AEBP1: variants seen among roughly 807,000 people sequenced by gnomAD.
The protein encoded by AEBP1 is adipocyte enhancer-binding protein 1.
A neutral mutation model predicts 116.5 loss-of-function variants in AEBP1; 69 were observed. The ratio of observed to expected loss-of-function variants is 0.59; its 90% CI spans 0.49 to 0.72. AEBP1 has a LOEUF of 0.72. Among genes scored for constraint, AEBP1 ranks in the 30% least tolerant of loss-of-function variants. AEBP1 has a pLI of 0.00. For synonymous variants in AEBP1, 627 were observed against 627.3 expected (o/e 1.00, Z 0.01); for missense variants, 1,444 against 1,557.5 (o/e 0.93, Z 1.23).
chr7:44,110,787 A>G lies in AEBP1; in HGVS notation c.1463A>G (p.Tyr488Cys). 6.5e-7 allele frequency: 1 copy of G among 1,547,062 alleles called. No individual in the cohort carries two copies. The highest frequency in any genetic ancestry group is 8.7e-7 in the Non-Finnish European group (1 of 1,146,740). The change falls in exon 12 of 21, where the codon TAC becomes TGC. Residue 488 changes from tyrosine to cysteine, a missense_variant. By Grantham distance (194) the Tyr-to-Cys change is radical. Coordinates refer to ENST00000223357, the MANE Select transcript of AEBP1 (RefSeq NM_001129.5). ...AATGACAGCCAGACATGGGTGATGT[A>G]CACCAACGGCTATGAGGAAATGGTG... ...FSNDSQTWVM[Y>C]TNGYEEMTFH...
In AEBP1 at chr7:44,106,763, A is replaced by G; in HGVS notation, c.471A>G (p.Pro157=). The change falls in exon 2 of 21, where the codon CCA becomes CCG. Residue 157 remains proline, a synonymous_variant. Coordinates refer to ENST00000223357, the MANE Select transcript of AEBP1 (RefSeq NM_001129.5). The stretch of plus-strand genomic sequence containing the variant: ...CCACCAAGAAGCCCAAAGAGAAGCC[A>G]CCCAAGGCCACCAAGAAGCCCCCGT... ...PKATKKPKEK[P]PKATKKPPSG... is the part of the protein sequence containing the mutation. The G allele has an allele frequency of 6.2e-7, 1 of 1,612,058 alleles. No individual in the cohort carries two copies. Among genetic ancestry groups the G allele is most frequent in the South Asian group, 1.1e-5 (1 of 90,872 alleles).
chr7:44,113,485 T>TG lies in AEBP1; in HGVS notation c.2810-104dup. 1 of 1,243,980 alleles carries TG rather than the reference T, an allele frequency of 8.0e-7. No homozygotes were observed. The highest frequency in any genetic ancestry group is 1.0e-6 in the Non-Finnish European group (1 of 974,628). 77.1% of individuals were successfully genotyped at this position (1,243,980 alleles called of 1,614,324 possible). A position where few individuals can be genotyped will look rare whatever the true frequency, so the allele number is the denominator to read the frequency against. ...GAAATTCAGAGAGGGAGGGCGGTGCTGGGGGCGGGAACTCAGAGGGGGAGG... is the reference window on the plus strand; with the variant it reads ...GAAATTCAGAGAGGGAGGGCGGTGCTGGGGGGCGGGAACTCAGAGGGGGAGG... On this transcript the variant is annotated intron_variant, in intron 20 of 20. Transcript: ENST00000223357. The surrounding 1 kb of genome is among the most constrained non-coding windows in gnomAD (Gnocchi z 5.3).
rs2096228505 is a variant in AEBP1 at position 44,110,807 on chromosome 7, ATGG to A, written c.1485+2_1485+4del. 1 of 1,567,214 alleles carries A rather than the reference ATGG, an allele frequency of 6.4e-7. No individual in the cohort carries two copies. The highest frequency in any genetic ancestry group is 8.7e-7 in the Non-Finnish European group (1 of 1,155,614). ...GATGTACACCAACGGCTATGAGGAA[ATGG>A]TGGGCACCATGCCCAGGCTCTTGGC... is the stretch of plus-strand genomic sequence containing the variant. On this transcript the variant is annotated splice_donor_variant and coding_sequence_variant, in exon 12 of 21. Coordinates refer to ENST00000223357, the MANE Select transcript of AEBP1 (RefSeq NM_001129.5). LOFTEE classifies it high-confidence loss of function.
rs1042211294 is a variant in AEBP1, at chr7:44,104,653, G to A, written c.-13G>A. The A allele has an allele frequency of 1.4e-6, 2 of 1,448,684 alleles. No individual in the cohort carries two copies. The highest frequency in any genetic ancestry group is 1.8e-6 in the Non-Finnish European group (2 of 1,106,578). 89.7% of individuals were successfully genotyped at this position (1,448,684 alleles called of 1,614,324 possible). On this transcript the variant is annotated 5_prime_UTR_variant, in exon 1 of 21. Coordinates refer to ENST00000223357, the MANE Select transcript of AEBP1 (RefSeq NM_001129.5). ...CCGCGCCCTCCCCGGAGCCCCCCGC[G>A]CGTGCCGCGGCCATGGCGGCCGTGC...
Position 44,114,353 on chromosome 7 carries a change from C to T in AEBP1, c.*92C>T. On this transcript the variant is annotated 3_prime_UTR_variant, in exon 21 of 21. Transcript: ENST00000223357. ...ACCACAGTCACATCACCCATCAGCA[C>T]ATGGAAGGCCCCTGGTATGGACACT... 3 of 1,393,630 alleles carry T rather than the reference C, an allele frequency of 2.2e-6. No individual in the cohort carries two copies. In the South Asian group the frequency reaches 3.8e-5, roughly 18 times the overall value. 86.3% of individuals were successfully genotyped at this position (1,393,630 alleles called of 1,614,324 possible). A position where few individuals can be genotyped will look rare whatever the true frequency, so the allele number is the denominator to read the frequency against.
At position 44,113,674 on chromosome 7, in the gene AEBP1, G is replaced by A; in HGVS notation, c.2890G>A (p.Ala964Thr). 6.2e-7 allele frequency: 1 copy of A among 1,613,928 alleles called. No individual in the cohort carries two copies. Among genetic ancestry groups the A allele is most frequent in the South Asian group, 1.1e-5 (1 of 91,084 alleles). ...CCACGCGGAGGGCTACACCCCGAGCGCCAAGACCTGCAATGTTGACTATGA... is the reference window on the plus strand; with the variant it reads ...CCACGCGGAGGGCTACACCCCGAGCACCAAGACCTGCAATGTTGACTATGA... ...TAHAEGYTPS[A>T]KTCNVDYDIG... The change falls in exon 21 of 21, where the codon GCC (alanine) becomes ACC (threonine). Residue 964 changes from alanine (A) to threonine (T), a missense_variant. Transcript: ENST00000223357. This position sits in a 1 kb window ranked among gnomAD's most constrained non-coding sequence, Gnocchi z 5.3.
rs201478823 is a variant in AEBP1, at chr7:44,112,901, G to T, written c.2561G>T (p.Arg854Leu). ...GTCAACGGGGCCAAGTGGAACCCCC[G>T]GACCGGGAGTGAGTCAGCCTGGGAG... is the stretch of plus-strand genomic sequence containing the variant. Reference protein sequence around the residue: ...GIVNGAKWNPRTGTINDFSYL... With the variant: ...GIVNGAKWNPLTGTINDFSYL... The change falls in exon 18 of 21, where the codon CGG (arginine) becomes CTG (leucine). Residue 854 changes from arginine to leucine, a missense_variant. Arg to Leu is a moderately radical substitution (Grantham distance 102). Coordinates refer to ENST00000223357, the MANE Select transcript of AEBP1 (RefSeq NM_001129.5). The surrounding 1 kb of genome is among the most constrained non-coding windows in gnomAD (Gnocchi z 6.6). 16 of 1,611,054 alleles carry T rather than the reference G, an allele frequency of 9.9e-6. No individual in the cohort carries two copies. In the African/African-American group the frequency reaches 2.0e-4, roughly 20 times the overall value.
Position 44,110,010 on chromosome 7 carries a change from C to T in AEBP1, c.1151-5C>T. On this transcript the variant is annotated splice_region_variant and splice_polypyrimidine_tract_variant and intron_variant, in intron 9 of 20. Transcript: ENST00000223357. Reference sequence around the variant, plus strand: ...GAGCCACCATTCTGGGGTACGCGTCCTCAGAGTGTCCCCCCATTGGGATGG... The same window carrying T: ...GAGCCACCATTCTGGGGTACGCGTCTTCAGAGTGTCCCCCCATTGGGATGG... 1 of 1,611,692 alleles carries T rather than the reference C, an allele frequency of 6.2e-7. No individual in the cohort carries two copies. The highest frequency in any genetic ancestry group is 8.5e-7 in the Non-Finnish European group (1 of 1,179,044).
chr7:44,113,159 G>A lies in AEBP1; in HGVS notation c.2709+29G>A. 1 of 1,613,642 alleles carries A rather than the reference G, an allele frequency of 6.2e-7. No homozygotes were observed. Among genetic ancestry groups the A allele is most frequent in the Non-Finnish European group, 8.5e-7 (1 of 1,179,798 alleles). On this transcript the variant is annotated intron_variant, in intron 19 of 20. Coordinates refer to ENST00000223357, the MANE Select transcript of AEBP1 (RefSeq NM_001129.5). The surrounding 1 kb of genome is among the most constrained non-coding windows in gnomAD (Gnocchi z 5.3). ...GGGTGGCTAGGGCAATGCCTGGGGA[G>A]AGGAGGCTGCACAGGCTCCTGGATG... is the stretch of plus-strand genomic sequence containing the variant.
chr7:44,111,956 A>T lies in AEBP1; in HGVS notation c.1943A>T (p.Asp648Val), dbSNP rs747074102. ...LMQYLCREYR[D>V]GNPRVRSLVQ... The stretch of plus-strand genomic sequence containing the variant: ...CAGTACCTGTGCCGAGAGTACCGCG[A>T]TGGGAACCCACGTGTGCGCAGCCTG... The change falls in exon 16 of 21, where the codon GAT becomes GTT. Residue 648 changes from aspartate to valine, a missense_variant. Asp to Val is a radical substitution (Grantham distance 152). Coordinates refer to ENST00000223357, the MANE Select transcript of AEBP1 (RefSeq NM_001129.5). The surrounding 1 kb of genome is among the most constrained non-coding windows in gnomAD (Gnocchi z 4.7). 15 of 1,613,666 alleles carry T rather than the reference A, an allele frequency of 9.3e-6. No individual in the cohort carries two copies. The highest frequency in any genetic ancestry group is 3.3e-5 in the Admixed American group (2 of 59,996).
Position 44,113,615 on chromosome 7 carries a change from G to C in AEBP1, c.2831G>C (p.Arg944Pro). Residue 944 changes from arginine (R) to proline (P), a missense_variant, in exon 21 of 21, where the codon CGA (arginine) becomes CCA (proline). Physicochemically the swap from Arg to Pro is moderately radical, Grantham distance 103. Coordinates refer to ENST00000223357, the MANE Select transcript of AEBP1 (RefSeq NM_001129.5). The surrounding 1 kb of genome is among the most constrained non-coding windows in gnomAD (Gnocchi z 5.3). ...GCAGCCAGTGGTGGTGATTACTGGC[G>C]AATCTTGAACCCGGGTGAGTACCGC... ...VKTASGGDYW[R>P]ILNPGEYRVT... The C allele has an allele frequency of 1.2e-6, 2 of 1,612,398 alleles. No homozygotes were observed. The highest frequency in any genetic ancestry group is 1.7e-6 in the Non-Finnish European group (2 of 1,179,768).
chr7:44,110,179 T>A, intron 10 of AEBP1, 28 bp from the exon 11 acceptor site: 2 of 1,613,376 alleles, frequency 1.2e-6, no homozygotes. Flanking sequence ...CCTCCGCCCA[T>A]GCTCAGCCTC....
chr7:44,108,209 C>G lies in AEBP1; in HGVS notation c.940+125C>G. The G allele has an allele frequency of 1.1e-6, 1 of 929,658 alleles. No homozygotes were observed. The highest frequency in any genetic ancestry group is 1.6e-5 in the African/African-American group (1 of 61,408). The allele number at this position is 929,658 out of a possible 1,614,324, so 57.6% of individuals were successfully genotyped here. A position where few individuals can be genotyped will look rare whatever the true frequency, so the allele number is the denominator to read the frequency against. ...ACCCCACCTGTGCCCGTGGTTACCT[C>G]GCTGTCCCTGCTGTCCCTGCGTGCC... On this transcript the variant is annotated intron_variant, in intron 6 of 20. Transcript: ENST00000223357. The surrounding 1 kb of genome is among the most constrained non-coding windows in gnomAD (Gnocchi z 5.0).
At position 44,110,706 on chromosome 7, in the gene AEBP1, A is replaced by G. The variant is rs1431912747; in HGVS notation, c.1401-19A>G. On this transcript the variant is annotated intron_variant, in intron 11 of 20. Coordinates refer to ENST00000223357, the MANE Select transcript of AEBP1 (RefSeq NM_001129.5). The stretch of plus-strand genomic sequence containing the variant: ...TGGGAGGGGGAAGACCCTTGCTCTG[A>G]CCACTGTCCACTCCACAGTGACGAT... The G allele has an allele frequency of 6.6e-7, 1 of 1,513,320 alleles. No homozygotes were observed. Among genetic ancestry groups the G allele is most frequent in the East Asian group, 2.3e-5 (1 of 43,906 alleles). 93.7% of individuals were successfully genotyped at this position (1,513,320 alleles called of 1,614,324 possible).
In AEBP1 at chr7:44,114,163, G is replaced by A; in HGVS notation, c.3379G>A (p.Glu1127Lys). The change falls in exon 21 of 21, where the codon GAA becomes AAA. Residue 1127 changes from glutamate (E) to lysine (K), a missense_variant. Glu to Lys is a moderately conservative substitution (Grantham distance 56, BLOSUM62 1). Transcript: ENST00000223357. ...GACCCAGCTGGAACCCGAGTTTGAGGAAGAGGAGGAGGAGGAGAAAGAGGA... is the reference window on the plus strand; with the variant it reads ...GACCCAGCTGGAACCCGAGTTTGAGAAAGAGGAGGAGGAGGAGAAAGAGGA... Reference protein sequence around the residue: ...FETQLEPEFEEEEEEEKEEEI... With the variant: ...FETQLEPEFEKEEEEEKEEEI... 1.2e-6 allele frequency: 2 copies of A among 1,614,082 alleles called. No homozygotes were observed. The highest frequency in any genetic ancestry group is 1.7e-6 in the Non-Finnish European group (2 of 1,180,038).
In AEBP1 at chr7:44,110,054, A is replaced by C. The variant is rs1279851798; in HGVS notation, c.1190A>C (p.Asp397Ala). The change falls in exon 10 of 21, where the codon GAC (aspartate) becomes GCC (alanine). Residue 397 changes from aspartate (D) to alanine (A), a missense_variant. Physicochemically the swap from Asp to Ala is moderately radical, Grantham distance 126. Coordinates refer to ENST00000223357, the MANE Select transcript of AEBP1 (RefSeq NM_001129.5). ...PIGMESHRIEDNQIRASSMLR... is the reference protein window; with the variant it reads ...PIGMESHRIEANQIRASSMLR... Reference sequence around the variant, plus strand: ...GGGATGGAGTCACACCGTATTGAGGACAACCAGATCCGAGCCTCCTCCATG... The same window carrying C: ...GGGATGGAGTCACACCGTATTGAGGCCAACCAGATCCGAGCCTCCTCCATG... 2 of 1,612,972 alleles carry C rather than the reference A, an allele frequency of 1.2e-6. No homozygotes were observed. Among genetic ancestry groups the C allele is most frequent in the Admixed American group, 3.3e-5 (2 of 60,014 alleles).
In AEBP1 at chr7:44,108,162, G is replaced by A; in HGVS notation, c.940+78G>A. The A allele has an allele frequency of 7.1e-7, 1 of 1,418,060 alleles. No individual in the cohort carries two copies. Among genetic ancestry groups the A allele is most frequent in the East Asian group, 2.5e-5 (1 of 40,062 alleles). The allele number at this position is 1,418,060 out of a possible 1,614,324, so 87.8% of individuals were successfully genotyped here. On this transcript the variant is annotated intron_variant, in intron 6 of 20. Coordinates refer to ENST00000223357, the MANE Select transcript of AEBP1 (RefSeq NM_001129.5). This position sits in a 1 kb window ranked among gnomAD's most constrained non-coding sequence, Gnocchi z 5.0. Reference sequence around the variant, plus strand: ...GCTGGGGTGTGGTCAGGAGCCAGCTGGGGCAACTCACCCACCTTGCAACCC... The same window carrying A: ...GCTGGGGTGTGGTCAGGAGCCAGCTAGGGCAACTCACCCACCTTGCAACCC...
chr7:44,112,820 C>T lies in AEBP1; in HGVS notation c.2480C>T (p.Thr827Ile). 2 of 1,612,242 alleles carry T rather than the reference C, an allele frequency of 1.2e-6. No homozygotes were observed. Among genetic ancestry groups the T allele is most frequent in the Non-Finnish European group, 1.7e-6 (2 of 1,179,932 alleles). ...ISFASAHLTL[T>I]EPYRGGCQAQ... ...TTCGCCTCCGCACACCTCACCTTGA[C>T]CGAGCCCTACCGCGGAGGCTGCCAA... is the stretch of plus-strand genomic sequence containing the variant. The change falls in exon 18 of 21, where the codon ACC becomes ATC. Residue 827 changes from threonine to isoleucine, a missense_variant. By Grantham distance (89) the Thr-to-Ile change is moderately conservative. Coordinates refer to ENST00000223357, the MANE Select transcript of AEBP1 (RefSeq NM_001129.5). This position sits in a 1 kb window ranked among gnomAD's most constrained non-coding sequence, Gnocchi z 6.6.
In AEBP1 at chr7:44,113,314, C is replaced by T. The variant is rs780575916; in HGVS notation, c.2772C>T (p.Thr924=). The change falls in exon 20 of 21, where the codon ACC becomes ACT. Residue 924 remains threonine, a synonymous_variant. Coordinates refer to ENST00000223357, the MANE Select transcript of AEBP1 (RefSeq NM_001129.5). This position sits in a 1 kb window ranked among gnomAD's most constrained non-coding sequence, Gnocchi z 5.3. ...DEQGIPIANA[T]ISVSGINHGV... ...AAGGCATCCCCATTGCCAACGCCACCATCTCTGTGAGTGGCATTAATCACG... is the reference window on the plus strand; with the variant it reads ...AAGGCATCCCCATTGCCAACGCCACTATCTCTGTGAGTGGCATTAATCACG... 5 of 1,613,422 alleles carry T rather than the reference C, an allele frequency of 3.1e-6. No individual in the cohort carries two copies. The highest frequency in any genetic ancestry group is 2.2e-5 in the East Asian group (1 of 44,874).
Sources: allele counts gnomAD v4.1 joint callset, GRCh38; gene constraint gnomAD v4.1.1; non-coding constraint Gnocchi (gnomAD v3.1); transcripts MANE v1.5; gene names NCBI Gene and HGNC (gene_info 2026-07-23, HGNC 2026-07-21).